The following RAPGEF4 variants were observed in gnomAD, a reference collection of about 807,000 sequenced individuals.
RAPGEF4 encodes the protein RAP guanine-nucleotide-exchange factor (GEF) 4.
RAPGEF4 carries 66 observed loss-of-function variants against 147.9 expected under a neutral mutation model. The ratio of observed to expected loss-of-function variants is 0.45; its 90% CI spans 0.37 to 0.55. RAPGEF4 has a LOEUF of 0.55. Ranked by LOEUF, RAPGEF4 falls within the 20% of genes least tolerant of loss-of-function variation. The probability of loss-of-function intolerance (pLI) is 0.00; values close to 1 mark genes in which losing one functional copy is unlikely to be tolerated. For missense variants in RAPGEF4, 1,071 were observed against 1,257.3 expected (o/e 0.85, Z 2.24); for synonymous variants, 419 against 442.7 (o/e 0.95, Z 0.67).
At chr2:172,789,143 C>T (rs901366497) in intron 1 of RAPGEF4, among the ~76,000 whole-genome samples, 1 of 152,226 alleles carries the variant, frequency 6.6e-6, no homozygotes, top group African/African-American at 2.4e-5. Flanking sequence ...ACCTCTCACT[C>T]CTTCCATTCT....
intron 4 of RAPGEF4, among the ~76,000 whole-genome samples, chr2:172,875,701 T>C (rs1417146374): frequency 1.3e-5 from 2 of 152,214 alleles, no homozygotes; most frequent in Non-Finnish European, 2.9e-5. Context: ...AGCTTTGTTC[T>C]TTTTGCTTAG....
intron 1 of RAPGEF4, among the ~76,000 whole-genome samples, chr2:172,785,144 C>T: frequency 6.6e-6 from 1 of 152,180 alleles, no homozygotes; most frequent in East Asian, 1.9e-4. Flanking sequence ...TTCTTAATAC[C>T]TGTTTTATCT....
At chr2:172,987,031 C>T (rs113150496) in intron 12 of RAPGEF4, among the ~76,000 whole-genome samples, 1 of 152,094 alleles carries the variant, frequency 6.6e-6, no homozygotes, top group Non-Finnish European at 1.5e-5. Context: ...AAATTATACA[C>T]GCTGGGTGCA....
intron 4 of RAPGEF4, among the ~76,000 whole-genome samples, chr2:172,861,995 G>A (rs1344056144): frequency 6.6e-6 from 1 of 152,182 alleles, no homozygotes; most frequent in African/African-American, 2.4e-5. Flanking sequence ...AGTCTTTGTC[G>A]AAGTGTGTTG....
chr2:172,925,576 G>A (rs185149347), intron 6 of RAPGEF4, among the ~76,000 whole-genome samples: 136 of 98,790 alleles, frequency 1.4e-3, no homozygotes, highest in African/African-American at 4.8e-3. Flanking sequence ...CACATAGTGA[G>A]ACTCTGTCTG....
At chr2:172,888,444 G>C (rs1697501119) in intron 4 of RAPGEF4, among the ~76,000 whole-genome samples, 1 of 152,216 alleles carries the variant, frequency 6.6e-6, no homozygotes, top group Non-Finnish European at 1.5e-5. Context: ...AGAGTTATTA[G>C]TAAGATTGTT....
intron 29 of RAPGEF4, among the ~76,000 whole-genome samples, chr2:173,044,051 A>C (rs1184671169): frequency 6.6e-6 from 1 of 152,214 alleles, no homozygotes; most frequent in Non-Finnish European, 1.5e-5. Flanking sequence ...CAGGAAAACA[A>C]GTGCTCTGTA....
intron 4 of RAPGEF4, among the ~76,000 whole-genome samples, chr2:172,815,931 C>T (rs528387363): frequency 1.5e-4 from 23 of 152,186 alleles, no homozygotes; most frequent in African/African-American, 5.3e-4. Context: ...CCCATTCACC[C>T]CCACTGAACT....
chr2:172,789,341 G>T (rs1685569154), intron 1 of RAPGEF4, among the ~76,000 whole-genome samples: 1 of 152,146 alleles, frequency 6.6e-6, no homozygotes. Context: ...AAGCAAATTG[G>T]AGCTCCCACC....
chr2:173,038,219 A>G (rs1242899327), intron 29 of RAPGEF4, among the ~76,000 whole-genome samples: 1 of 152,226 alleles, frequency 6.6e-6, no homozygotes, highest in Non-Finnish European at 1.5e-5. Flanking sequence ...CAAAGTAGAC[A>G]ACATTCTTTG....
intron 1 of RAPGEF4, among the ~76,000 whole-genome samples, chr2:172,758,727 G>A (rs535905331): frequency 6.1e-5 from 9 of 148,044 alleles, no homozygotes; most frequent in East Asian, 3.9e-4. Flanking sequence ...GTTATGACGC[G>A]GAAGGCTGTA....
intron 22 of RAPGEF4, 136 bp from the exon 23 acceptor site, chr2:173,020,482 T>G (rs1386877241): frequency 2.6e-6 from 2 of 775,686 alleles, no homozygotes; most frequent in Non-Finnish European, 4.5e-6. Context: ...CGTGGATCCC[T>G]TCAGTACTCT....
chr2:172,767,032 A>C (rs1696911084), intron 1 of RAPGEF4, among the ~76,000 whole-genome samples: 1 of 152,192 alleles, frequency 6.6e-6, no homozygotes, highest in African/African-American at 2.4e-5. Flanking sequence ...ACTTTCTTTT[A>C]AAATGTGCCT....
At chr2:172,880,338 A>G (rs929166146) in intron 4 of RAPGEF4, among the ~76,000 whole-genome samples, 2 of 152,230 alleles carry the variant, frequency 1.3e-5, no homozygotes, top group Non-Finnish European at 2.9e-5. Context: ...CAGGCATAGC[A>G]TTGCATCTCC....
At chr2:172,806,014 G>GCT (rs533518805) in intron 3 of RAPGEF4, among the ~76,000 whole-genome samples, 2,278 of 76,532 alleles carry the variant, frequency 0.03, 31 homozygotes, top group South Asian at 0.095. Context: ...ATATTATCCG[G>GCT]CTGTGTGTGT....
rs761838473 is a variant in RAPGEF4 at position 172,802,663 on chromosome 2, A to G, written c.297+5050A>G. ...TTTCAAAACCAATCATGCCTTCCTA[A>G]CAGTCTCCCAAAGTCTTAATTCATT... On this transcript the variant is annotated intron_variant, in intron 3 of 30. Coordinates refer to ENST00000397081, the MANE Select transcript of RAPGEF4 (RefSeq NM_007023.4). Among the ~76,000 whole-genome samples, 21 of 152,208 alleles carry G rather than the reference A, an allele frequency of 1.4e-4. 1 individual carries two copies. The highest frequency in any genetic ancestry group is 2.5e-4 in the Non-Finnish European group (17 of 68,028).
chr2:172,992,204 A>G (rs1559169164), intron 15 of RAPGEF4, among the ~76,000 whole-genome samples: 1 of 152,374 alleles, frequency 6.6e-6, no homozygotes, highest in South Asian at 2.1e-4. Flanking sequence ...ATGTAAAAAA[A>G]CTACCTGTCA....
intron 21 of RAPGEF4, among the ~76,000 whole-genome samples, chr2:173,018,077 A>G (rs1695671382): frequency 1.3e-5 from 2 of 152,240 alleles, no homozygotes. Flanking sequence ...ATTATAATAT[A>G]ATAATGGGAA....
chr2:172,755,931 T>C (rs1695730385), intron 1 of RAPGEF4, among the ~76,000 whole-genome samples: 1 of 152,180 alleles, frequency 6.6e-6, no homozygotes. Flanking sequence ...ATTTCATCAC[T>C]TGTAGACTCA....
Sources: allele counts gnomAD v4.1 joint callset (sites outside exome capture counted in the v4.1 genomes callset), GRCh38; gene constraint gnomAD v4.1.1; transcripts MANE v1.5; gene names NCBI Gene and HGNC (gene_info 2026-07-23, HGNC 2026-07-21).